ARHGAP23: variants seen among roughly 807,000 people sequenced by gnomAD.
The protein encoded by ARHGAP23 is Rho GTPase activating protein 23, also known as rho GTPase-activating protein 23.
ARHGAP23 carries 34 observed loss-of-function variants against 136.3 expected under a neutral mutation model. The ratio of observed to expected loss-of-function variants is 0.25; its 90% CI spans 0.19 to 0.33. The LOEUF (loss-of-function observed/expected upper bound fraction) is 0.33. ARHGAP23 is among the 10% of genes least tolerant of loss of function. The pLI is 1.00. For synonymous variants in ARHGAP23, 832 were observed against 920.5 expected (o/e 0.90, Z 1.74); for missense variants, 1,808 against 2,139.0 (o/e 0.85, Z 3.05).
chr17:38,487,431 A>G lies in ARHGAP23; in HGVS notation c.2986+1291A>G, dbSNP rs547967398. On this transcript the variant is annotated intron_variant, in intron 17 of 23. Coordinates refer to ENST00000622683, the MANE Select transcript of ARHGAP23 (RefSeq NM_001199417.2). ...CTCTAAGGAGATTCTTAGATGTAGAATTGCTGGGTCAAAGTCCCGGTGAAC... is the reference window on the plus strand; with the variant it reads ...CTCTAAGGAGATTCTTAGATGTAGAGTTGCTGGGTCAAAGTCCCGGTGAAC... Among the ~76,000 whole-genome samples, 47 of 152,312 alleles carry G rather than the reference A, an allele frequency of 3.1e-4. 1 individual carries two copies. Among genetic ancestry groups the G allele is most frequent in the Admixed American group, 2.4e-3 (37 of 15,304 alleles).
intron 1 of ARHGAP23, among the ~76,000 whole-genome samples, chr17:38,435,290 A>G (rs1298964098): frequency 7.2e-6 from 1 of 137,980 alleles, no homozygotes; most frequent in African/African-American, 3.6e-5. Flanking sequence ...GATGGATGCC[A>G]AGTGGGAGGA....
chr17:38,493,245 C>T (rs1254720324), intron 20 of ARHGAP23, among the ~76,000 whole-genome samples: 1 of 150,096 alleles, frequency 6.7e-6, no homozygotes, highest in Non-Finnish European at 1.5e-5. Context: ...GTCTGTCGCC[C>T]ACACTGGAGT....
intron 1 of ARHGAP23, among the ~76,000 whole-genome samples, chr17:38,433,876 C>T (rs1217067557): frequency 6.6e-6 from 1 of 152,160 alleles, no homozygotes; most frequent in Non-Finnish European, 1.5e-5. Context: ...CAGAGAGGAG[C>T]CTGGGCCACT....
intron 23 of ARHGAP23, among the ~76,000 whole-genome samples, chr17:38,502,771 A>G (rs2040550356): frequency 6.6e-6 from 1 of 152,268 alleles, no homozygotes; most frequent in Non-Finnish European, 1.5e-5. Context: ...GCAGCCAGGC[A>G]TGGTGGCTCA....
At chr17:38,508,701 A>G (rs1379876851) in intron 23 of ARHGAP23, among the ~76,000 whole-genome samples, 4 of 152,104 alleles carry the variant, frequency 2.6e-5, no homozygotes, top group Admixed American at 2.0e-4. Context: ...GAGCCATTTC[A>G]AAAGAATCCA....
intron 14 of ARHGAP23, 138 bp from the exon 15 acceptor site, chr17:38,481,884 C>T (rs1334873829): frequency 4.7e-6 from 4 of 859,096 alleles, no homozygotes; most frequent in Non-Finnish European, 6.8e-6. Context: ...TCTTGCCATA[C>T]AATGTCCCAT....
chr17:38,444,508 A>G (rs994557259), intron 1 of ARHGAP23, among the ~76,000 whole-genome samples: 7 of 151,920 alleles, frequency 4.6e-5, no homozygotes, highest in Non-Finnish European at 8.8e-5. Flanking sequence ...CTGCCAAGAA[A>G]ACTCTTCCAA....
intron 1 of ARHGAP23, among the ~76,000 whole-genome samples, chr17:38,441,864 A>C (rs2038927839): frequency 6.6e-6 from 1 of 152,110 alleles, no homozygotes; most frequent in African/African-American, 2.4e-5. Flanking sequence ...ACCCACGAGG[A>C]GGGCTCGTGG....
intron 1 of ARHGAP23, among the ~76,000 whole-genome samples, chr17:38,433,506 G>A (rs2038728738): frequency 6.6e-6 from 1 of 152,202 alleles, no homozygotes; most frequent in African/African-American, 2.4e-5. Flanking sequence ...CACTGGAGGT[G>A]CAGTGAGGTC....
rs1421484476 is a variant in ARHGAP23, at chr17:38,469,884, C to T, written c.1954C>T (p.Arg652Trp). 21 of 1,551,612 alleles carry T rather than the reference C, an allele frequency of 1.4e-5. No homozygotes were observed. The highest frequency in any genetic ancestry group is 2.4e-5 in the East Asian group (1 of 40,934). The change falls in exon 10 of 24, where the codon CGG (arginine) becomes TGG (tryptophan). Residue 652 changes from arginine (R) to tryptophan (W), a missense_variant. This residue lies in a region of ARHGAP23 where 859 missense variants were observed against 936.4 expected (regional missense o/e 0.92). Coordinates refer to ENST00000622683, the MANE Select transcript of ARHGAP23 (RefSeq NM_001199417.2). ...CCGCATACCCAGCCTGCGGATGCTC[C>T]GGAGCTTCTTCACCGACGGGGTGAG... ...PNRIPSLRML[R>W]SFFTDGSLDS...
chr17:38,434,044 C>T (rs1290465797), intron 1 of ARHGAP23, among the ~76,000 whole-genome samples: 5 of 152,258 alleles, frequency 3.3e-5, no homozygotes, highest in African/African-American at 1.2e-4. Flanking sequence ...AGGCTGGTCT[C>T]GAACTCCTGA....
intron 1 of ARHGAP23, among the ~76,000 whole-genome samples, chr17:38,447,714 C>A (rs1262720250): frequency 6.6e-6 from 1 of 152,194 alleles, no homozygotes; most frequent in Non-Finnish European, 1.5e-5. Flanking sequence ...ATAGCTTCTT[C>A]CCTTTGAGGA....
At chr17:38,506,645 A>C (rs1173371053) in intron 23 of ARHGAP23, among the ~76,000 whole-genome samples, 5 of 152,182 alleles carry the variant, frequency 3.3e-5, no homozygotes, top group Non-Finnish European at 5.9e-5. Context: ...AGGCAGAAAG[A>C]AAAGAGAGCG....
intron 11 of ARHGAP23, among the ~76,000 whole-genome samples, chr17:38,475,111 AG>A (rs1163714641): frequency 6.6e-6 from 1 of 152,220 alleles, no homozygotes; most frequent in Non-Finnish European, 1.5e-5. Context: ...CCTGGACGTT[AG>A]AGGAGAGTCT....
At chr17:38,441,329 G>A (rs952147742) in intron 1 of ARHGAP23, among the ~76,000 whole-genome samples, 3 of 152,230 alleles carry the variant, frequency 2.0e-5, no homozygotes, top group Non-Finnish European at 4.4e-5. Context: ...CAGGGCTGGC[G>A]TACTTCACAT....
At chr17:38,504,320 C>T (rs1161938992) in intron 23 of ARHGAP23, among the ~76,000 whole-genome samples, 2 of 152,178 alleles carry the variant, frequency 1.3e-5, no homozygotes, top group East Asian at 1.9e-4. Context: ...TTGTGTGTGC[C>T]GCAGTGGTCT....
At chr17:38,492,262 A>G (rs10852948) in intron 20 of ARHGAP23, among the ~76,000 whole-genome samples, 104,253 of 152,100 alleles carry the variant, frequency 0.69, 36,923 homozygotes, top group East Asian at 0.91. Context: ...GCACACGGAT[A>G]TCATTATGAA....
chr17:38,462,802 A>T, intron 3 of ARHGAP23, 44 bp from the exon 4 acceptor site: 1 of 1,377,366 alleles, frequency 7.3e-7, no homozygotes, highest in Non-Finnish European at 9.8e-7. Flanking sequence ...CATGGGTGTG[A>T]CCTTCCCCAG....
At chr17:38,446,541 T>C (rs1405721579) in intron 1 of ARHGAP23, among the ~76,000 whole-genome samples, 1 of 152,050 alleles carries the variant, frequency 6.6e-6, no homozygotes, top group Non-Finnish European at 1.5e-5. Context: ...TTCTAATCCC[T>C]GCTTTCAGTT....
Sources: allele counts gnomAD v4.1 joint callset (sites outside exome capture counted in the v4.1 genomes callset), GRCh38; gene constraint gnomAD v4.1.1; regional missense constraint gnomAD v4.1.1; transcripts MANE v1.5; gene names NCBI Gene and HGNC (gene_info 2026-07-23, HGNC 2026-07-21).